Variants in SEC24B observed in about 807,000 individuals in gnomAD.
SEC24B encodes protein transport protein Sec24B.
SEC24B carries 45 observed loss-of-function variants against 142.8 expected under a neutral mutation model. The observed-to-expected ratio is 0.32, with a 90% CI of 0.25 to 0.40. The LOEUF (loss-of-function observed/expected upper bound fraction) is 0.40. Ranked by LOEUF, SEC24B falls within the 10% of genes least tolerant of loss-of-function variation. SEC24B has a pLI of 1.00. For missense variants in SEC24B, 1,409 were observed against 1,526.8 expected (o/e 0.92, Z 1.29); for synonymous variants, 574 against 568.2 (o/e 1.01, Z -0.15).
chr4:109,534,850 AT>A (rs915214103), intron 22 of SEC24B, among the ~76,000 whole-genome samples: 2 of 151,940 alleles, frequency 1.3e-5, no homozygotes, highest in Non-Finnish European at 2.9e-5. Context: ...AATTAAAAAA[AT>A]TTTTTTTCTA....
chr4:109,481,169 T>C (rs1733701802), intron 3 of SEC24B, among the ~76,000 whole-genome samples: 1 of 152,122 alleles, frequency 6.6e-6, no homozygotes, highest in African/African-American at 2.4e-5. Context: ...GAATACAGTT[T>C]TTTTCTTTAA....
chr4:109,441,050 T>G (rs1728884439), intron 1 of SEC24B, among the ~76,000 whole-genome samples: 1 of 152,120 alleles, frequency 6.6e-6, no homozygotes, highest in Non-Finnish European at 1.5e-5. Context: ...GTTTAATGGG[T>G]TTTAAGTTTT....
intron 1 of SEC24B, among the ~76,000 whole-genome samples, chr4:109,457,453 C>T (rs1465907177): frequency 2.6e-5 from 4 of 152,310 alleles, no homozygotes; most frequent in Non-Finnish European, 4.4e-5. Context: ...CTTGCTGTGT[C>T]ATAACATGGC....
intron 11 of SEC24B, among the ~76,000 whole-genome samples, chr4:109,517,761 A>G (rs193119376): frequency 6.6e-6 from 1 of 152,194 alleles, no homozygotes; most frequent in African/African-American, 2.4e-5. Flanking sequence ...AGATAAAAGG[A>G]TTTTTTTAAA....
chr4:109,458,755 TACTG>T (rs1475599860), intron 1 of SEC24B, among the ~76,000 whole-genome samples: 1 of 151,952 alleles, frequency 6.6e-6, no homozygotes, highest in African/African-American at 2.4e-5. Context: ...AAAAAGAAAA[TACTG>T]GGTGGATATA....
chr4:109,482,995 C>CAT (rs1561117047), intron 4 of SEC24B, among the ~76,000 whole-genome samples: 6 of 103,718 alleles, frequency 5.8e-5, no homozygotes, highest in African/African-American at 1.6e-4. Flanking sequence ...CACACACACA[C>CAT]ACACACACAT....
intron 22 of SEC24B, among the ~76,000 whole-genome samples, chr4:109,537,668 G>C (rs895531012): frequency 6.6e-6 from 1 of 152,086 alleles, no homozygotes; most frequent in African/African-American, 2.4e-5. Flanking sequence ...AAGAAAAAAA[G>C]AAGAAGAATA....
intron 6 of SEC24B, among the ~76,000 whole-genome samples, chr4:109,502,085 T>C (rs1436683225): frequency 2.6e-5 from 4 of 152,154 alleles, no homozygotes; most frequent in Admixed American, 2.6e-4. Flanking sequence ...AGTTAACATA[T>C]GGAAGAAAGA....
At chr4:109,436,285 A>G (rs76992434) in intron 1 of SEC24B, among the ~76,000 whole-genome samples, 3 of 147,432 alleles carry the variant, frequency 2.0e-5, no homozygotes, top group Non-Finnish European at 4.5e-5. Flanking sequence ...TGCTAATCTC[A>G]AAAAAAAAAA....
intron 4 of SEC24B, among the ~76,000 whole-genome samples, chr4:109,484,851 CA>C (rs36027800): frequency 0.2 from 14,431 of 72,942 alleles, 538 homozygotes; most frequent in Middle Eastern, 0.27. Flanking sequence ...GACTCTGTCT[CA>C]AAAAAAAAAA....
chr4:109,453,138 G>A (rs1440338018), intron 1 of SEC24B, among the ~76,000 whole-genome samples: 2 of 152,174 alleles, frequency 1.3e-5, no homozygotes, highest in Non-Finnish European at 2.9e-5. Context: ...CTAATAGGAT[G>A]TGGGTCACAG....
intron 4 of SEC24B, among the ~76,000 whole-genome samples, chr4:109,483,905 A>G (rs1003670739): frequency 1.3e-5 from 2 of 152,234 alleles, no homozygotes; most frequent in Non-Finnish European, 2.9e-5. Flanking sequence ...ATAATTCTCT[A>G]TCAACATATT....
intron 1 of SEC24B, among the ~76,000 whole-genome samples, chr4:109,434,939 A>G (rs905941073): frequency 3.9e-5 from 6 of 152,214 alleles, no homozygotes; most frequent in Non-Finnish European, 8.8e-5. Flanking sequence ...GATAGGGGCC[A>G]AGGGTGGAGG....
intron 2 of SEC24B, among the ~76,000 whole-genome samples, chr4:109,464,417 G>A (rs1731643812): frequency 6.6e-6 from 1 of 151,902 alleles, no homozygotes; most frequent in Admixed American, 6.6e-5. Flanking sequence ...CAAGTAGCTG[G>A]GACTACCAGG....
intron 9 of SEC24B, 95 bp from the exon 10 acceptor site, chr4:109,513,652 G>A (rs752443091): frequency 4.0e-5 from 29 of 727,012 alleles, no homozygotes; most frequent in Non-Finnish European, 6.4e-5. Flanking sequence ...TAAACCTCGT[G>A]TAAATATTGA....
intron 5 of SEC24B, 105 bp downstream of exon 5, chr4:109,491,512 A>T: frequency 2.4e-6 from 2 of 821,458 alleles, no homozygotes; most frequent in South Asian, 2.0e-5. Context: ...TATATTTTTA[A>T]CAAGAAAAAA....
At chr4:109,516,766 C>CT (rs2126061788) in intron 11 of SEC24B, 126 bp downstream of exon 11, 1 of 504,888 alleles carries the variant, frequency 2.0e-6, no homozygotes, top group East Asian at 3.1e-5. Context: ...AAGAGTACTA[C>CT]TTATGTACCA....
chr4:109,491,410 A>G lies in SEC24B; in HGVS notation c.1246+3A>G, dbSNP rs778187520. On this transcript the variant is annotated splice_donor_region_variant and intron_variant, in intron 5 of 23. Transcript: ENST00000265175. ...CCTGGAAGGAGGCAGTTACCCAGGTAATTTGTTTTGTGCTTGCTTGATCTT... is the reference window on the plus strand; with the variant it reads ...CCTGGAAGGAGGCAGTTACCCAGGTGATTTGTTTTGTGCTTGCTTGATCTT... 1.9e-6 allele frequency: 3 copies of G among 1,610,028 alleles called. No homozygotes were observed. The highest frequency in any genetic ancestry group is 1.7e-6 in the Non-Finnish European group (2 of 1,176,498).
At chr4:109,445,301 T>C (rs916517829) in intron 1 of SEC24B, among the ~76,000 whole-genome samples, 1 of 144,162 alleles carries the variant, frequency 6.9e-6, no homozygotes, top group Non-Finnish European at 1.5e-5. Context: ...TGGAGTGCAG[T>C]GGTGCAATCT....
Sources: allele counts gnomAD v4.1 joint callset (sites outside exome capture counted in the v4.1 genomes callset), GRCh38; gene constraint gnomAD v4.1.1; transcripts MANE v1.5; gene names NCBI Gene and HGNC (gene_info 2026-07-23, HGNC 2026-07-21).